The following PPFIA2 variants were observed in gnomAD, a reference collection of about 807,000 sequenced individuals.
PPFIA2 encodes PPFI scaffold protein A2.
A neutral mutation model predicts 175.5 loss-of-function variants in PPFIA2; 46 were observed. That is an observed-to-expected ratio of 0.26 (90% CI 0.21 to 0.34). PPFIA2 has a LOEUF of 0.34. PPFIA2 is among the 10% of genes least tolerant of loss of function. The probability of loss-of-function intolerance (pLI) is 1.00; values close to 1 mark genes in which losing one functional copy is unlikely to be tolerated. For synonymous variants in PPFIA2, 568 were observed against 511.4 expected (o/e 1.11, Z -1.49); for missense variants, 1,179 against 1,506.1 (o/e 0.78, Z 3.60).
chr12:81,642,883 A>G (rs1016604087), intron 4 of PPFIA2, among the ~76,000 whole-genome samples: 1 of 143,382 alleles, frequency 7.0e-6, no homozygotes, highest in Non-Finnish European at 1.5e-5. Context: ...TAAGAATGAA[A>G]TGAACATATT....
chr12:81,746,634 T>C (rs1470407102), intron 3 of PPFIA2, among the ~76,000 whole-genome samples: 3 of 144,316 alleles, frequency 2.1e-5, no homozygotes, highest in African/African-American at 7.3e-5. Context: ...TTAAGAAATA[T>C]ATTTGAACAT....
At position 81,617,998 on chromosome 12, in the gene PPFIA2, T is replaced by G. The variant is rs187440035; in HGVS notation, c.303+58793A>C. Among the ~76,000 whole-genome samples, 762 of 152,302 alleles carry G rather than the reference T, an allele frequency of 5.0e-3. 3 individuals are homozygous for G. Among genetic ancestry groups the G allele is most frequent in the African/African-American group, 0.014 (583 of 41,570 alleles). On this transcript the variant is annotated intron_variant, in intron 4 of 32. Coordinates refer to ENST00000549396, the MANE Select transcript of PPFIA2 (RefSeq NM_003625.5). ...AAAGGATAAAGGGATTCGTGAGTTGTGATTTTAAATCCTCCATTAAGTATG... is the reference window on the plus strand; with the variant it reads ...AAAGGATAAAGGGATTCGTGAGTTGGGATTTTAAATCCTCCATTAAGTATG...
At chr12:81,493,911 T>C (rs961113697) in intron 4 of PPFIA2, among the ~76,000 whole-genome samples, 2 of 150,800 alleles carry the variant, frequency 1.3e-5, no homozygotes, top group African/African-American at 4.9e-5. Context: ...AAAATAAACA[T>C]GAAAAAGTTA....
At position 81,362,795 on chromosome 12, in the gene PPFIA2, A is replaced by G; in HGVS notation, c.1546-11T>C. 1 of 1,512,486 alleles carries G rather than the reference A, an allele frequency of 6.6e-7. No individual in the cohort carries two copies. The highest frequency in any genetic ancestry group is 9.0e-7 in the Non-Finnish European group (1 of 1,113,430). The allele number at this position is 1,512,486 out of a possible 1,614,324, so 93.7% of individuals were successfully genotyped here. ...TTCTGCTAATCTTTCCTAAAAAATC[A>G]AAACAGTGTTACTCAGATGCCAGTA... On this transcript the variant is annotated splice_polypyrimidine_tract_variant and intron_variant, in intron 14 of 32. Coordinates refer to ENST00000549396, the MANE Select transcript of PPFIA2 (RefSeq NM_003625.5).
chr12:81,465,774 G>A, intron 4 of PPFIA2, among the ~76,000 whole-genome samples: 1 of 151,730 alleles, frequency 6.6e-6, no homozygotes, highest in East Asian at 1.9e-4. Context: ...GCAACAAAAA[G>A]ATAATATATT....
intron 4 of PPFIA2, among the ~76,000 whole-genome samples, chr12:81,641,454 T>G (rs1180789774): frequency 6.6e-6 from 1 of 152,088 alleles, no homozygotes; most frequent in African/African-American, 2.4e-5. Context: ...ACCTGTCCGG[T>G]GATTGACTGT....
chr12:81,294,496 A>C, intron 24 of PPFIA2: 1 of 188,648 alleles, frequency 5.3e-6, no homozygotes, highest in Non-Finnish European at 1.0e-5. Context: ...GAAAGAAGGA[A>C]GGAAGGGAGG....
At chr12:81,321,568 C>T (rs575980009) in intron 22 of PPFIA2, among the ~76,000 whole-genome samples, 4 of 152,116 alleles carry the variant, frequency 2.6e-5, no homozygotes, top group Admixed American at 6.6e-5. Flanking sequence ...CTGTGACTAA[C>T]CAAATCTTTC....
intron 20 of PPFIA2, among the ~76,000 whole-genome samples, chr12:81,340,540 T>C (rs1449467663): frequency 6.6e-6 from 1 of 152,094 alleles, no homozygotes; most frequent in African/African-American, 2.4e-5. Flanking sequence ...ACAAATGACA[T>C]ATTTCTCCAT....
At chr12:81,275,124 C>T (rs1221877357) in intron 28 of PPFIA2, among the ~76,000 whole-genome samples, 1 of 152,180 alleles carries the variant, frequency 6.6e-6, no homozygotes, top group African/African-American at 2.4e-5. Context: ...ATTGTGTGGT[C>T]ACATGCAAAC....
intron 21 of PPFIA2, among the ~76,000 whole-genome samples, chr12:81,335,752 A>ACAT (rs1190592849): frequency 9.3e-6 from 1 of 106,956 alleles, no homozygotes; most frequent in Non-Finnish European, 1.7e-5. Context: ...AAAAACAACA[A>ACAT]CAACAACAAC....
intron 4 of PPFIA2, among the ~76,000 whole-genome samples, chr12:81,651,230 C>A (rs2066972524): frequency 6.6e-6 from 1 of 152,042 alleles, no homozygotes; most frequent in Non-Finnish European, 1.5e-5. Flanking sequence ...AAGGAAGAGA[C>A]TGCTGGAGGG....
intron 4 of PPFIA2, among the ~76,000 whole-genome samples, chr12:81,665,023 A>G (rs2069845818): frequency 7.2e-6 from 1 of 138,446 alleles, no homozygotes; most frequent in African/African-American, 2.6e-5. Flanking sequence ...AACATCACAC[A>G]CCGGGGCCTG....
intron 7 of PPFIA2, among the ~76,000 whole-genome samples, chr12:81,415,209 A>AT (rs2044905973): frequency 8.5e-5 from 3 of 35,314 alleles, no homozygotes; most frequent in Admixed American, 3.7e-4. Context: ...AAAAAAAAAA[A>AT]AATATATATA....
At chr12:81,504,716 T>G (rs2147537336) in intron 4 of PPFIA2, among the ~76,000 whole-genome samples, 1 of 152,330 alleles carries the variant, frequency 6.6e-6, no homozygotes, top group East Asian at 1.9e-4. Context: ...GCAACACTAT[T>G]CTCAATAGCA....
intron 7 of PPFIA2, among the ~76,000 whole-genome samples, chr12:81,418,116 A>C (rs892050666): frequency 1.3e-5 from 2 of 151,912 alleles, no homozygotes; most frequent in Non-Finnish European, 2.9e-5. Flanking sequence ...AGGTAAAAAG[A>C]AAAAGGAAAT....
At chr12:81,407,188 A>T (rs2043085952) in intron 7 of PPFIA2, among the ~76,000 whole-genome samples, 1 of 152,184 alleles carries the variant, frequency 6.6e-6, no homozygotes, top group Admixed American at 6.6e-5. Flanking sequence ...CAGCTTTCTA[A>T]CAAAACTAAT....
chr12:81,281,289 A>G lies in PPFIA2; in HGVS notation c.3180T>C (p.Arg1060=), dbSNP rs1171393778. 8 of 1,610,378 alleles carry G rather than the reference A, an allele frequency of 5.0e-6. No individual in the cohort carries two copies. The highest frequency in any genetic ancestry group is 2.7e-5 in the African/African-American group (2 of 74,846). ...AACTATCCACCATTTTTAAATGGAC[A>G]CGGAGATCTTTTTTTGTTAGGTGAT... is the stretch of plus-strand genomic sequence containing the variant. ...MLDHLTKKDL[R]VHLKMVDSFH... is the part of the protein sequence containing the mutation. The change falls in exon 27 of 33, where the codon CGT becomes CGC. Residue 1060 remains arginine, a synonymous_variant. Coordinates refer to ENST00000549396, the MANE Select transcript of PPFIA2 (RefSeq NM_003625.5).
intron 4 of PPFIA2, among the ~76,000 whole-genome samples, chr12:81,467,241 T>C (rs2055835636): frequency 6.6e-6 from 1 of 152,158 alleles, no homozygotes; most frequent in African/African-American, 2.4e-5. Flanking sequence ...ACCCCTCTGT[T>C]CCTGTGTTCC....
Sources: gnomAD v4.1 joint callset for allele counts (sites outside exome capture counted in the v4.1 genomes callset) on GRCh38, gnomAD v4.1.1 for gene constraint, MANE v1.5 for transcripts, NCBI Gene and HGNC (gene_info 2026-07-23, HGNC 2026-07-21) for gene names.